The following NKAIN3 variants were observed in gnomAD, a reference collection of about 807,000 sequenced individuals.
The protein encoded by NKAIN3 is sodium/potassium transporting ATPase interacting 3, also known as sodium/potassium-transporting ATPase subunit beta-1-interacting protein 3.
Under a neutral mutation model 30.2 loss-of-function variants are expected in NKAIN3, and 25 were observed. The observed-to-expected ratio is 0.83, with a 90% confidence interval of 0.60 to 1.16. The LOEUF (loss-of-function observed/expected upper bound fraction) is 1.16. Ranked by LOEUF, NKAIN3 falls within the 50% of genes most tolerant of loss-of-function variation. The pLI, the probability that NKAIN3 is intolerant of heterozygous loss-of-function variation, is 0.00. For synonymous variants in NKAIN3, 91 were observed against 89.6 expected (o/e 1.02, Z -0.09); for missense variants, 225 against 254.1 (o/e 0.89, Z 0.78).
rs10660478 is a variant in NKAIN3, at chr8:62,407,401, G to GTTTT, written c.54+158289_54+158292dup. Among the ~76,000 whole-genome samples the GTTTT allele has an allele frequency of 5.7e-4, 68 of 118,598 alleles. 1 individual carries two copies. The highest frequency in any genetic ancestry group is 1.3e-3 in the East Asian group (5 of 3,972). The allele number at this position is 118,598 out of a possible 152,430, so 77.8% of individuals were successfully genotyped here. A position where few individuals can be genotyped will look rare whatever the true frequency, so the allele number is the denominator to read the frequency against. On this transcript the variant is annotated intron_variant, in intron 1 of 6. Transcript: ENST00000623646. ...TATTATCTGACAAGACTAGATAGTT[G>GTTTT]TTTTTTTTTTTTTTTTTTGAGACGG...
At chr8:62,447,503 A>G (rs1488072867) in intron 1 of NKAIN3, among the ~76,000 whole-genome samples, 1 of 152,030 alleles carries the variant, frequency 6.6e-6, no homozygotes, top group African/African-American at 2.4e-5. Context: ...ATTGTTTTCT[A>G]TTGCTAGCAC....
chr8:62,500,480 A>AGGAG (rs1807406214), intron 1 of NKAIN3, among the ~76,000 whole-genome samples: 1 of 139,348 alleles, frequency 7.2e-6, no homozygotes, highest in Admixed American at 7.1e-5. Context: ...AAAGAAAGAA[A>AGGAG]GAAAGAAGAA....
intron 1 of NKAIN3, among the ~76,000 whole-genome samples, chr8:62,553,278 A>G (rs1405778109): frequency 6.6e-6 from 1 of 152,176 alleles, no homozygotes; most frequent in African/African-American, 2.4e-5. Flanking sequence ...AAGATTGCCC[A>G]CTAAATATTT....
rs367700491 is a variant in NKAIN3, at chr8:62,513,428, A to G, written c.55-66111A>G. ...ATGGTCATAAATATAAGCACAATGA[A>G]TGAGTGAGAAAAGCTCCATGAAGTC... On this transcript the variant is annotated intron_variant, in intron 1 of 6. Coordinates refer to ENST00000623646, the MANE Select transcript of NKAIN3 (RefSeq NM_001304533.3). 7.9e-5 allele frequency among the ~76,000 whole-genome samples: 12 copies of G among 152,138 alleles called. No homozygotes were observed. In the East Asian group the frequency reaches 1.9e-3, roughly 25 times the overall value.
intron 1 of NKAIN3, among the ~76,000 whole-genome samples, chr8:62,564,410 C>T (rs1252013507): frequency 6.6e-6 from 1 of 152,086 alleles, no homozygotes; most frequent in Non-Finnish European, 1.5e-5. Context: ...CCAAACCCGA[C>T]CAGGCATTTT....
intron 1 of NKAIN3, among the ~76,000 whole-genome samples, chr8:62,413,092 A>G (rs1804312683): frequency 6.6e-6 from 1 of 152,178 alleles, no homozygotes; most frequent in African/African-American, 2.4e-5. Flanking sequence ...AACCACAGTG[A>G]GGTACCATAT....
chr8:62,515,503 G>A (rs550765955), intron 1 of NKAIN3, among the ~76,000 whole-genome samples: 5 of 151,992 alleles, frequency 3.3e-5, no homozygotes, highest in Non-Finnish European at 4.4e-5. Context: ...TAGGTTCAGG[G>A]GATACATGTG....
chr8:62,903,425 G>A (rs924005320), intron 4 of NKAIN3, among the ~76,000 whole-genome samples: 13 of 152,070 alleles, frequency 8.5e-5, no homozygotes, highest in East Asian at 5.8e-4. Flanking sequence ...TAAGAGGACC[G>A]TCTCTCCTAA....
chr8:62,394,084 T>C (rs898869221), intron 1 of NKAIN3, among the ~76,000 whole-genome samples: 2 of 152,198 alleles, frequency 1.3e-5, no homozygotes, highest in Non-Finnish European at 2.9e-5. Context: ...TATTTCTTTT[T>C]TGTCTTGCTA....
chr8:62,324,359 A>G (rs1815043788), intron 1 of NKAIN3, among the ~76,000 whole-genome samples: 1 of 152,148 alleles, frequency 6.6e-6, no homozygotes, highest in Non-Finnish European at 1.5e-5. Flanking sequence ...CTTTTTAATA[A>G]TGATTACGAC....
chr8:62,795,083 C>T (rs946243287), intron 4 of NKAIN3, among the ~76,000 whole-genome samples: 3 of 152,104 alleles, frequency 2.0e-5, no homozygotes, highest in African/African-American at 7.2e-5. Context: ...TATAATTAAT[C>T]AACTCTAAAG....
chr8:62,881,504 T>C (rs902991841), intron 4 of NKAIN3, among the ~76,000 whole-genome samples: 1 of 152,326 alleles, frequency 6.6e-6, no homozygotes, highest in Admixed American at 6.5e-5. Flanking sequence ...TGTGTGGTAC[T>C]AGCAAAAGAA....
At chr8:62,466,432 A>G (rs1806166577) in intron 1 of NKAIN3, among the ~76,000 whole-genome samples, 1 of 152,188 alleles carries the variant, frequency 6.6e-6, no homozygotes, top group South Asian at 2.1e-4. Context: ...CAGATGTCAA[A>G]CAACTGAACT....
At chr8:62,645,706 C>T (rs923222095) in intron 3 of NKAIN3, among the ~76,000 whole-genome samples, 7 of 152,132 alleles carry the variant, frequency 4.6e-5, no homozygotes, top group African/African-American at 1.7e-4. Flanking sequence ...GGCATCATTA[C>T]TGCTGAGCAC....
chr8:62,902,822 C>T (rs1821652690), intron 4 of NKAIN3, among the ~76,000 whole-genome samples: 1 of 152,094 alleles, frequency 6.6e-6, no homozygotes, highest in African/African-American at 2.4e-5. Context: ...TTAGAAAAGT[C>T]CTACATGAAA....
At chr8:62,816,959 C>A (rs897873460) in intron 4 of NKAIN3, among the ~76,000 whole-genome samples, 2 of 152,130 alleles carry the variant, frequency 1.3e-5, no homozygotes, top group Admixed American at 1.3e-4. Flanking sequence ...GGGTTGCAGG[C>A]ATCCATGGTA....
intron 5 of NKAIN3, among the ~76,000 whole-genome samples, chr8:62,926,378 T>A (rs1381846670): frequency 6.6e-6 from 1 of 152,162 alleles, no homozygotes; most frequent in Non-Finnish European, 1.5e-5. Context: ...CCAGCCCCCC[T>A]GTGGGTTTAC....
At chr8:62,555,079 GAT>G (rs1426443019) in intron 1 of NKAIN3, among the ~76,000 whole-genome samples, 1 of 149,016 alleles carries the variant, frequency 6.7e-6, no homozygotes, top group East Asian at 2.0e-4. Context: ...TGAGAAGATG[GAT>G]ATGTCATTTT....
chr8:62,843,136 G>A (rs1819579328), intron 4 of NKAIN3, among the ~76,000 whole-genome samples: 3 of 151,754 alleles, frequency 2.0e-5, no homozygotes, highest in Non-Finnish European at 2.9e-5. Flanking sequence ...GAATGAGTGG[G>A]TCATACAGAG....
Sources: gnomAD v4.1 joint callset for allele counts (sites outside exome capture counted in the v4.1 genomes callset) on GRCh38, gnomAD v4.1.1 for gene constraint, MANE v1.5 for transcripts, NCBI Gene and HGNC (gene_info 2026-07-23, HGNC 2026-07-21) for gene names.